The following AKT3 variants were observed in gnomAD, a reference collection of about 807,000 sequenced individuals.
AKT3 encodes RAC-gamma serine/threonine-protein kinase.
AKT3 carries 15 observed loss-of-function variants against 65.3 expected under a neutral mutation model. That is an observed-to-expected ratio of 0.23 (90% CI 0.15 to 0.35). AKT3 has a LOEUF of 0.35. Ranked by LOEUF, AKT3 falls within the 10% of genes least tolerant of loss-of-function variation. The pLI, the probability that AKT3 is intolerant of heterozygous loss-of-function variation, is 1.00. For missense variants in AKT3, 243 were observed against 576.5 expected (o/e 0.42, Z 5.92); for synonymous variants, 206 against 183.8 (o/e 1.12, Z -0.98).
chr1:243,778,212 A>T (rs2148299106), intron 2 of AKT3, among the ~76,000 whole-genome samples: 1 of 152,322 alleles, frequency 6.6e-6, no homozygotes, highest in South Asian at 2.1e-4. Flanking sequence ...ATGCTTTTCT[A>T]CTGGGAATAC....
chr1:243,683,454 T>A (rs1244267967), intron 3 of AKT3, among the ~76,000 whole-genome samples: 1 of 152,160 alleles, frequency 6.6e-6, no homozygotes, highest in Non-Finnish European at 1.5e-5. Flanking sequence ...GTCAAACACA[T>A]ACACACAAGG....
chr1:243,737,974 ATAAC>A (rs771248863), intron 2 of AKT3, among the ~76,000 whole-genome samples: 12 of 152,226 alleles, frequency 7.9e-5, no homozygotes, highest in Non-Finnish European at 1.2e-4. Flanking sequence ...ATGACTGAAG[ATAAC>A]TAATATACTC....
intron 12 of AKT3, among the ~76,000 whole-genome samples, chr1:243,535,137 A>C (rs371441659): frequency 8.6e-6 from 1 of 115,788 alleles, no homozygotes; most frequent in South Asian, 2.2e-4. Flanking sequence ...AAAATATAAA[A>C]TTAAAAATTT....
At chr1:243,724,903 C>A (rs1687116382) in intron 2 of AKT3, among the ~76,000 whole-genome samples, 1 of 151,830 alleles carries the variant, frequency 6.6e-6, no homozygotes, top group Non-Finnish European at 1.5e-5. Context: ...AAATCAGGTA[C>A]ACAAGAAACA....
At chr1:243,767,275 G>A (rs1689888501) in intron 2 of AKT3, among the ~76,000 whole-genome samples, 2 of 152,072 alleles carry the variant, frequency 1.3e-5, no homozygotes, top group Admixed American at 1.3e-4. Context: ...TGAGGAGGGG[G>A]CAATCAATAA....
chr1:243,784,690 T>C (rs1558807826), intron 2 of AKT3, among the ~76,000 whole-genome samples: 2 of 152,192 alleles, frequency 1.3e-5, no homozygotes, highest in African/African-American at 4.8e-5. Context: ...CGCTGGACAC[T>C]GCTCTCTGGG....
At chr1:243,643,587 C>T (rs540010655) in intron 5 of AKT3, among the ~76,000 whole-genome samples, 106 of 152,224 alleles carry the variant, frequency 7.0e-4, no homozygotes, top group Non-Finnish European at 1.4e-3. Context: ...TCTGTGAGGC[C>T]CTTGCCTCTT....
In AKT3 at chr1:243,501,710, G is replaced by T. The variant is rs1443970238; in HGVS notation, c.*3539C>A. The T allele has an allele frequency of 1.3e-5, 3 of 232,808 alleles. No individual in the cohort carries two copies. Among genetic ancestry groups the T allele is most frequent in the African/African-American group, 6.6e-5 (3 of 45,318 alleles). 14.4% of individuals were successfully genotyped at this position (232,808 alleles called of 1,614,324 possible). On this transcript the variant is annotated 3_prime_UTR_variant, in exon 14 of 14. Coordinates refer to ENST00000673466, the MANE Select transcript of AKT3 (RefSeq NM_005465.7). Reference sequence around the variant, plus strand: ...TAAAAATCATGTTTTCATTAAAGAAGATTTAATTTGGGGGGATTATAGAAC... The same window carrying T: ...TAAAAATCATGTTTTCATTAAAGAATATTTAATTTGGGGGGATTATAGAAC...
In AKT3 at chr1:243,551,007, T is replaced by G. The variant is rs187912173; in HGVS notation, c.1163+1722A>C. ...AAAAAGATAAAAGTCACCACTCTGT[T>G]TAAAGTTACCTATCATCGGGTGCTG... On this transcript the variant is annotated intron_variant, in intron 11 of 13. Coordinates refer to ENST00000673466, the MANE Select transcript of AKT3 (RefSeq NM_005465.7). Among the ~76,000 whole-genome samples the G allele has an allele frequency of 2.7e-5, 4 of 149,672 alleles. No homozygotes were observed. The East Asian group carries it at 7.9e-4, about 30-fold the overall frequency.
At position 243,649,313 on chromosome 1, in the gene AKT3, ATGTGTGTGTGTGTG is replaced by A. The variant is rs55765060; in HGVS notation, c.285-3290_285-3277del. On this transcript the variant is annotated intron_variant, in intron 4 of 13. Coordinates refer to ENST00000673466, the MANE Select transcript of AKT3 (RefSeq NM_005465.7). ...ATGACCAAGAATATGTTATGTGTAT[ATGTGTGTGTGTGTG>A]TGTGTGTGTGTGTGTGTGTGTGTGT... Among the ~76,000 whole-genome samples, 525 of 146,026 alleles carry A rather than the reference ATGTGTGTGTGTGTG, an allele frequency of 3.6e-3. 4 individuals carry two copies. The highest frequency in any genetic ancestry group is 0.011 in the African/African-American group (406 of 38,344).
intron 13 of AKT3, among the ~76,000 whole-genome samples, chr1:243,509,595 G>C (rs6692682): frequency 2.0e-5 from 3 of 151,946 alleles, no homozygotes; most frequent in Non-Finnish European, 4.4e-5. Context: ...TCTGAGCATC[G>C]CATTAGTCAG....
At chr1:243,646,320 G>A (rs1398859680) in intron 4 of AKT3, among the ~76,000 whole-genome samples, 1 of 151,352 alleles carries the variant, frequency 6.6e-6, no homozygotes, top group Non-Finnish European at 1.5e-5. Flanking sequence ...TCATTTACAT[G>A]AAAAGTTAAA....
chr1:243,795,110 T>A (rs1465061057), intron 2 of AKT3, among the ~76,000 whole-genome samples: 1 of 152,076 alleles, frequency 6.6e-6, no homozygotes, highest in Admixed American at 6.6e-5. Context: ...GTTCCAAGTA[T>A]CACTCCCTCT....
intron 6 of AKT3, among the ~76,000 whole-genome samples, chr1:243,623,202 T>C (rs552484025): frequency 2.0e-5 from 3 of 152,014 alleles, no homozygotes; most frequent in African/African-American, 7.2e-5. Context: ...CTCTGAGAGG[T>C]TGGAATCTGA....
At position 243,577,551 on chromosome 1, in the gene AKT3, T is replaced by C. The variant is rs1675030826; in HGVS notation, c.697-4503A>G. On this transcript the variant is annotated intron_variant, in intron 8 of 13. Transcript: ENST00000673466. ...ACCTTATACAAAAATTAACTCAAGA[T>C]TGATTAAAGACAAATGTAAAACCCC... is the stretch of plus-strand genomic sequence containing the variant. Among the ~76,000 whole-genome samples the C allele has an allele frequency of 2.0e-5, 3 of 152,146 alleles. No homozygotes were observed. In the South Asian group the frequency reaches 6.2e-4, roughly 31 times the overall value.
chr1:243,512,378 A>G lies in AKT3; in HGVS notation c.1300T>C (p.Tyr434His). The change falls in exon 13 of 14, where the codon TAT (tyrosine) becomes CAT (histidine). Residue 434 changes from tyrosine (Y) to histidine (H), a missense_variant. Tyr to His is a moderately conservative substitution (Grantham distance 83). Around this residue, in one of 6 missense-constraint regions of AKT3, gnomAD observed 57 missense variants for 107.6 expected, o/e 0.53. Coordinates refer to ENST00000673466, the MANE Select transcript of AKT3 (RefSeq NM_005465.7). ...PQVTSETDTRYFDEEFTAQTI... is the reference protein window; with the variant it reads ...PQVTSETDTRHFDEEFTAQTI... ...TGAGCTGTAAATTCTTCATCAAAAT[A>G]TCTAGTATCTGTCTCAGATGTTACT... The G allele has an allele frequency of 1.9e-6, 3 of 1,591,420 alleles. No homozygotes were observed. The highest frequency in any genetic ancestry group is 2.6e-6 in the Non-Finnish European group (3 of 1,167,078).
intron 2 of AKT3, among the ~76,000 whole-genome samples, chr1:243,785,360 G>A (rs933046872): frequency 5.9e-5 from 9 of 151,738 alleles, no homozygotes; most frequent in African/African-American, 2.2e-4. Flanking sequence ...TTACAGGCGT[G>A]AGCCACCGTG....
intron 8 of AKT3, among the ~76,000 whole-genome samples, chr1:243,600,944 T>C (rs992350629): frequency 4.9e-4 from 74 of 152,188 alleles, no homozygotes; most frequent in African/African-American, 1.7e-3. Flanking sequence ...GGGGAGAGAA[T>C]TGACTTTAAA....
intron 2 of AKT3, among the ~76,000 whole-genome samples, chr1:243,772,284 T>C (rs933613425): frequency 2.0e-5 from 3 of 152,014 alleles, no homozygotes; most frequent in African/African-American, 7.3e-5. Context: ...TTTTGCAATC[T>C]ACTCATCTGA....
Sources: allele counts gnomAD v4.1 joint callset (sites outside exome capture counted in the v4.1 genomes callset), GRCh38; gene constraint gnomAD v4.1.1; regional missense constraint gnomAD v4.1.1; transcripts MANE v1.5; gene names NCBI Gene and HGNC (gene_info 2026-07-23, HGNC 2026-07-21).